Variants in TIMD4 observed in about 807,000 individuals in gnomAD.
TIMD4 encodes the protein T-cell immunoglobulin and mucin domain-containing protein 4.
Under a neutral mutation model 41.2 loss-of-function variants are expected in TIMD4, and 31 were observed. That is an observed-to-expected ratio of 0.75 (90% CI 0.57 to 1.01). The LOEUF (loss-of-function observed/expected upper bound fraction) is 1.01, where lower values mean the gene tolerates loss of function less well. Ranked by LOEUF, TIMD4 falls within the 50% of genes least tolerant of loss-of-function variation. The pLI, the probability that TIMD4 is intolerant of heterozygous loss-of-function variation, is 0.00. For missense variants in TIMD4, 479 were observed against 472.5 expected (o/e 1.01, Z -0.13); for synonymous variants, 204 against 177.1 (o/e 1.15, Z -1.21).
At chr5:156,928,880 A>C (rs1759397217) in intron 5 of TIMD4, among the ~76,000 whole-genome samples, 1 of 152,226 alleles carries the variant, frequency 6.6e-6, no homozygotes, top group African/African-American at 2.4e-5. Flanking sequence ...TATTACAATC[A>C]TTTGTGATGA....
At chr5:156,932,081 T>C (rs73813913) in intron 5 of TIMD4, among the ~76,000 whole-genome samples, 4,917 of 152,298 alleles carry the variant, frequency 0.032, 231 homozygotes, top group African/African-American at 0.11. Flanking sequence ...TTATGTATTC[T>C]TAAATATTTG....
intron 5 of TIMD4, among the ~76,000 whole-genome samples, chr5:156,928,213 G>T (rs375342254): frequency 6.6e-6 from 1 of 152,044 alleles, no homozygotes; most frequent in Non-Finnish European, 1.5e-5. Context: ...CAGGAGAATC[G>T]CTTGAACCCA....
intron 4 of TIMD4, 151 bp downstream of exon 4, chr5:156,949,500 G>A: frequency 1.5e-6 from 1 of 646,450 alleles, no homozygotes; most frequent in Middle Eastern, 2.8e-4. Context: ...AACTACAAAG[G>A]CTGCCTTGAG....
At chr5:156,937,237 T>C (rs1023023811) in intron 5 of TIMD4, among the ~76,000 whole-genome samples, 6 of 152,148 alleles carry the variant, frequency 3.9e-5, no homozygotes, top group African/African-American at 1.4e-4. Context: ...GGTAGGGCAA[T>C]GACATCTGAT....
In TIMD4 at chr5:156,944,727, G is replaced by A. The variant is rs572815410; in HGVS notation, c.844+3689C>T. On this transcript the variant is annotated intron_variant, in intron 5 of 8. Transcript: ENST00000274532. ...TCACTGTGTTAGCCAGGATGGTCTC[G>A]ATCTCCTGATTTCGTGATCCGCCCA... is the stretch of plus-strand genomic sequence containing the variant. Among the ~76,000 whole-genome samples the A allele has an allele frequency of 1.0e-3, 157 of 152,030 alleles. 1 individual carries two copies. The highest frequency in any genetic ancestry group is 3.5e-3 in the Admixed American group (53 of 15,270).
At chr5:156,957,960 A>G (rs2113396296) in intron 1 of TIMD4, among the ~76,000 whole-genome samples, 1 of 152,314 alleles carries the variant, frequency 6.6e-6, no homozygotes, top group African/African-American at 2.4e-5. Flanking sequence ...GCATAAAAGG[A>G]GGCATCCTAA....
chr5:156,928,212 C>G (rs888227963), intron 5 of TIMD4, among the ~76,000 whole-genome samples: 1 of 152,020 alleles, frequency 6.6e-6, no homozygotes, highest in Non-Finnish European at 1.5e-5. Context: ...GCAGGAGAAT[C>G]GCTTGAACCC....
At chr5:156,955,108 G>GT (rs1287483814) in intron 1 of TIMD4, among the ~76,000 whole-genome samples, 1 of 152,088 alleles carries the variant, frequency 6.6e-6, no homozygotes, top group Non-Finnish European at 1.5e-5. Context: ...GTTCTTTAGC[G>GT]TAAGTTTTGA....
chr5:156,919,504 C>T lies in TIMD4; in HGVS notation c.1090G>A (p.Asp364Asn). The change falls in exon 9 of 9, where the codon GAC (aspartate) becomes AAC (asparagine). Residue 364 changes from aspartate (D) to asparagine (N), a missense_variant. By Grantham distance (23) the Asp-to-Asn change is conservative (BLOSUM62 1). Coordinates refer to ENST00000274532, the MANE Select transcript of TIMD4 (RefSeq NM_138379.3). ...TCGTCTTCCCTTCCATGCTGCACGT[C>T]ATTGAGGACATTTTTACTATCTCCA... Reference protein sequence around the residue: ...YIGDSKNVLNDVQHGREDEDG... With the variant: ...YIGDSKNVLNNVQHGREDEDG... The T allele has an allele frequency of 6.2e-7, 1 of 1,614,022 alleles. No homozygotes were observed. Among genetic ancestry groups the T allele is most frequent in the Non-Finnish European group, 8.5e-7 (1 of 1,179,948 alleles).
chr5:156,921,231 A>T (rs772178063), intron 7 of TIMD4, among the ~76,000 whole-genome samples: 30 of 152,188 alleles, frequency 2.0e-4, no homozygotes, highest in Admixed American at 4.6e-4. Flanking sequence ...GAACACATAA[A>T]CACTTTTGCA....
rs200125453 is a variant in TIMD4 at position 156,934,431 on chromosome 5, G to GT, written c.845-8120dup. On this transcript the variant is annotated intron_variant, in intron 5 of 8. Coordinates refer to ENST00000274532, the MANE Select transcript of TIMD4 (RefSeq NM_138379.3). Reference sequence around the variant, plus strand: ...CCACCACACCTAGCTAGTGTGTGTGGTTTTTTTTGTTTGTTTGTTTGTTTT... The same window carrying GT: ...CCACCACACCTAGCTAGTGTGTGTGGTTTTTTTTTGTTTGTTTGTTTGTTTT... Among the ~76,000 whole-genome samples the GT allele has an allele frequency of 9.4e-3, 1,429 of 151,798 alleles. 16 individuals are homozygous for GT. The highest frequency in any genetic ancestry group is 0.032 in the African/African-American group (1,304 of 41,380).
At chr5:156,944,410 C>T (rs1357734438) in intron 5 of TIMD4, among the ~76,000 whole-genome samples, 1 of 152,100 alleles carries the variant, frequency 6.6e-6, no homozygotes, top group Non-Finnish European at 1.5e-5. Flanking sequence ...TACAGATATC[C>T]CCCATCCAGG....
intron 1 of TIMD4, among the ~76,000 whole-genome samples, chr5:156,956,708 C>T (rs1005082228): frequency 3.3e-5 from 5 of 152,238 alleles, no homozygotes; most frequent in African/African-American, 1.2e-4. Flanking sequence ...TAAACCATTT[C>T]CTTCCCCAAA....
chr5:156,942,881 T>C (rs1279212001), intron 5 of TIMD4, among the ~76,000 whole-genome samples: 1 of 152,148 alleles, frequency 6.6e-6, no homozygotes, highest in Non-Finnish European at 1.5e-5. Context: ...ATTAAAGATA[T>C]TCACCCACAG....
intron 1 of TIMD4, among the ~76,000 whole-genome samples, chr5:156,961,489 A>G (rs1042384079): frequency 5.3e-5 from 8 of 152,286 alleles, no homozygotes; most frequent in South Asian, 4.1e-4. Flanking sequence ...GTGTCCATCA[A>G]TGGATGAATG....
rs1759815278 is a variant in TIMD4 at position 156,949,642 on chromosome 5, T to C, written c.760+9A>G. On this transcript the variant is annotated intron_variant, in intron 4 of 8. Coordinates refer to ENST00000274532, the MANE Select transcript of TIMD4 (RefSeq NM_138379.3). ...TGAGGGAGGACAGAGAGAGTGAGTGTCTGCACACCTTTGGATGTCAGCAGG... is the reference window on the plus strand; with the variant it reads ...TGAGGGAGGACAGAGAGAGTGAGTGCCTGCACACCTTTGGATGTCAGCAGG... 1 of 1,606,068 alleles carries C rather than the reference T, an allele frequency of 6.2e-7. No homozygotes were observed. The highest frequency in any genetic ancestry group is 2.2e-5 in the East Asian group (1 of 44,824).
intron 5 of TIMD4, among the ~76,000 whole-genome samples, chr5:156,938,702 C>T (rs544610494): frequency 6.6e-6 from 1 of 152,270 alleles, no homozygotes; most frequent in Admixed American, 6.5e-5. Context: ...ACCCTGCCTT[C>T]CCTCTAAATT....
intron 3 of TIMD4, 84 bp downstream of exon 3, chr5:156,951,428 A>G (rs1425159906): frequency 3.3e-6 from 5 of 1,532,880 alleles, no homozygotes; most frequent in Non-Finnish European, 4.4e-6. Context: ...ACACTCACAC[A>G]CACACTGAGA....
At position 156,919,414 on chromosome 5, in the gene TIMD4, G is replaced by A. The variant is rs761470283; in HGVS notation, c.*43C>T. On this transcript the variant is annotated 3_prime_UTR_variant, in exon 9 of 9. Transcript: ENST00000274532. ...TCTACTAAGACTTATTTTGACACTG[G>A]AGTGTCATGCCCCCATCCTCAATCT... The A allele has an allele frequency of 2.0e-6, 3 of 1,497,710 alleles. No homozygotes were observed. The South Asian group carries it at 3.4e-5, about 17-fold the overall frequency. The allele number at this position is 1,497,710 out of a possible 1,614,324, so 92.8% of individuals were successfully genotyped here.
Sources: gnomAD v4.1 joint callset for allele counts (sites outside exome capture counted in the v4.1 genomes callset) on GRCh38, gnomAD v4.1.1 for gene constraint, MANE v1.5 for transcripts, NCBI Gene and HGNC (gene_info 2026-07-23, HGNC 2026-07-21) for gene names.